SORL1-AS1: variants seen among roughly 807,000 people sequenced by gnomAD.
SORL1-AS1 encodes lncRNA 51 A.
downstream of SORL1-AS1, among the ~76,000 whole-genome samples, chr11:121,446,316 C>A (rs1234201250): frequency 1.3e-5 from 2 of 152,154 alleles, no homozygotes; most frequent in African/African-American, 2.4e-5. Flanking sequence ...TTCAGGGCCT[C>A]TAGGGGTAGT....
At chr11:121,448,265 A>C (rs1179077362) in exon 2 of SORL1-AS1, 1 of 152,264 alleles carries the variant, frequency 6.6e-6, no homozygotes, top group African/African-American at 2.4e-5. Context: ...AAGAGTGAGA[A>C]TATAAGTTAC....
downstream of SORL1-AS1, among the ~76,000 whole-genome samples, chr11:121,444,668 G>A (rs1860702525): frequency 6.6e-6 from 1 of 152,186 alleles, no homozygotes; most frequent in Non-Finnish European, 1.5e-5. Context: ...TCAGTGGGCA[G>A]GATAAAGAAA....
chr11:121,448,911 C>T (rs779131670), exon 2 of SORL1-AS1: 22 of 152,220 alleles, frequency 1.4e-4, no homozygotes, highest in Admixed American at 5.2e-4. Flanking sequence ...GCTCTGAAAC[C>T]TGAAGGCTGA....
chr11:121,440,069 G>A, the SORL1-AS1 span, among the ~76,000 whole-genome samples: 1 of 152,118 alleles, frequency 6.6e-6, no homozygotes, highest in Non-Finnish European at 1.5e-5. Context: ...GAGCTTGCTG[G>A]GGCTCAGGAA....
chr11:121,447,005 T>C (rs1446907115), downstream of SORL1-AS1, among the ~76,000 whole-genome samples: 1 of 152,176 alleles, frequency 6.6e-6, no homozygotes, highest in Non-Finnish European at 1.5e-5. Context: ...GATATGTAAT[T>C]ACACGGGGAT....
downstream of SORL1-AS1, among the ~76,000 whole-genome samples, chr11:121,445,534 C>A (rs775442793): frequency 1.8e-4 from 28 of 152,128 alleles, no homozygotes; most frequent in Admixed American, 1.8e-3. Context: ...GCAGGCACCA[C>A]CCCACCTACC....
rs1045032809 is a variant in SORL1-AS1 at position 121,450,406 on chromosome 11, G to A, written n.340-507C>T. Among the ~76,000 whole-genome samples the A allele has an allele frequency of 3.9e-5, 6 of 152,082 alleles. No individual in the cohort carries two copies. The highest frequency in any genetic ancestry group is 8.8e-5 in the Non-Finnish European group (6 of 68,024). ...AGGGGTGGGAGGTGACAGTGGTTCA[G>A]TGGCTTTCTTGGAGGATGCATGATT... On this transcript the variant is annotated intron_variant and non_coding_transcript_variant, in intron 1 of 1. Coordinates refer to ENST00000501964, the Ensembl canonical transcript of SORL1-AS1. This position sits in a 1 kb window ranked among gnomAD's most constrained non-coding sequence, Gnocchi z 5.2.
At chr11:121,449,457 C>A (rs1306192688) in exon 2 of SORL1-AS1, 1 of 152,260 alleles carries the variant, frequency 6.6e-6, no homozygotes, top group African/African-American at 2.4e-5. Context: ...TTGCCTGTGG[C>A]TGCTCCTATC....
chr11:121,452,507 G>A lies in SORL1-AS1; in HGVS notation n.339+168C>T. On this transcript the variant is annotated intron_variant and non_coding_transcript_variant, in intron 1 of 1. Coordinates refer to ENST00000501964, the Ensembl canonical transcript of SORL1-AS1. This position sits in a 1 kb window ranked among gnomAD's most constrained non-coding sequence, Gnocchi z 5.3. Reference sequence around the variant, plus strand: ...GTGCAGGGCGACCCGCGCGAGCTGCGGCTGTGGGCGCGCGGGGATGCCAGG... The same window carrying A: ...GTGCAGGGCGACCCGCGCGAGCTGCAGCTGTGGGCGCGCGGGGATGCCAGG... 1 of 1,478,860 alleles carries A rather than the reference G, an allele frequency of 6.8e-7. No individual in the cohort carries two copies. Among genetic ancestry groups the A allele is most frequent in the Non-Finnish European group, 8.9e-7 (1 of 1,118,674 alleles). The allele number at this position is 1,478,860 out of a possible 1,614,324, so 91.6% of individuals were successfully genotyped here. A position where few individuals can be genotyped will look rare whatever the true frequency, so the allele number is the denominator to read the frequency against.
rs1349748305 is a variant in SORL1-AS1, at chr11:121,452,202, G to A, written n.339+473C>T. ...CAGCGGCGGCGGGCGCAGCGGGGCG[G>A]CCCGGAGCGGCGCGGGCGGCCTGGA... On this transcript the variant is annotated intron_variant and non_coding_transcript_variant, in intron 1 of 1. Coordinates refer to ENST00000501964, the Ensembl canonical transcript of SORL1-AS1. This position sits in a 1 kb window ranked among gnomAD's most constrained non-coding sequence, Gnocchi z 5.3. The A allele has an allele frequency of 8.7e-6, 4 of 459,734 alleles. No homozygotes were observed. Among genetic ancestry groups the A allele is most frequent in the Non-Finnish European group, 1.2e-5 (4 of 343,394 alleles). 28.5% of individuals were successfully genotyped at this position (459,734 alleles called of 1,614,324 possible).
At position 121,452,231 on chromosome 11, in the gene SORL1-AS1, C is replaced by A. The variant is rs1860807263; in HGVS notation, n.339+444G>T. 1 of 986,326 alleles carries A rather than the reference C, an allele frequency of 1.0e-6. No individual in the cohort carries two copies. The highest frequency in any genetic ancestry group is 1.7e-5 in the African/African-American group (1 of 58,142). The allele number at this position is 986,326 out of a possible 1,614,324, so 61.1% of individuals were successfully genotyped here. On this transcript the variant is annotated intron_variant and non_coding_transcript_variant, in intron 1 of 1. Transcript: ENST00000501964. The surrounding 1 kb of genome is among the most constrained non-coding windows in gnomAD (Gnocchi z 5.3). ...GGAGCGGCGCGGGCGGCCTGGAGCC[C>A]CGGGAGCGGCGCGCGCGGTCCCGGC...
chr11:121,443,365 C>T (rs1284980717), downstream of SORL1-AS1, among the ~76,000 whole-genome samples: 1 of 152,184 alleles, frequency 6.6e-6, no homozygotes. Context: ...TGGCTGTCTA[C>T]AGTGGCATAT....
the SORL1-AS1 span, among the ~76,000 whole-genome samples, chr11:121,439,767 CT>C: frequency 6.6e-6 from 1 of 152,168 alleles, no homozygotes; most frequent in African/African-American, 2.4e-5. Context: ...AGTTGGCCCT[CT>C]GCTAAATCTC....
downstream of SORL1-AS1, among the ~76,000 whole-genome samples, chr11:121,445,911 G>A (rs944698405): frequency 8.5e-5 from 13 of 152,196 alleles, no homozygotes; most frequent in South Asian, 1.7e-3. Flanking sequence ...TGATGACTAG[G>A]ACATGCATAA....
the SORL1-AS1 span, among the ~76,000 whole-genome samples, chr11:121,441,807 A>G: frequency 3.9e-5 from 6 of 152,156 alleles, no homozygotes; most frequent in Non-Finnish European, 8.8e-5. Context: ...CAGAGACACC[A>G]GCTAATGTGT....
exon 2 of SORL1-AS1, chr11:121,448,144 C>A (rs1860746367): frequency 1.3e-5 from 2 of 152,114 alleles, no homozygotes; most frequent in Non-Finnish European, 1.5e-5. Flanking sequence ...GGTTGCTGTG[C>A]GATGGAATGA....
At chr11:121,439,306 C>T in the SORL1-AS1 span, among the ~76,000 whole-genome samples, 1 of 152,050 alleles carries the variant, frequency 6.6e-6, no homozygotes, top group Non-Finnish European at 1.5e-5. Flanking sequence ...CATTTTCAAT[C>T]TGCACTTCCC....
At chr11:121,444,480 A>G (rs1190624159), downstream of SORL1-AS1, among the ~76,000 whole-genome samples, 1 of 152,230 alleles carries the variant, frequency 6.6e-6, no homozygotes, top group Non-Finnish European at 1.5e-5. Context: ...TCTCTGGCAG[A>G]GCCGGATATA....
chr11:121,446,769 A>C (rs1386995793), downstream of SORL1-AS1, among the ~76,000 whole-genome samples: 1 of 151,840 alleles, frequency 6.6e-6, no homozygotes, highest in Non-Finnish European at 1.5e-5. Flanking sequence ...AAAAAAAAAA[A>C]AGGAAAGTAT....
Sources: gnomAD v4.1 joint callset for allele counts (sites outside exome capture counted in the v4.1 genomes callset) on GRCh38, gnomAD v4.1.1 for gene constraint, Gnocchi (gnomAD v3.1) non-coding constraint, MANE v1.5 for transcripts, NCBI Gene and HGNC (gene_info 2026-07-23, HGNC 2026-07-21) for gene names.